The following LRRC20 variants were observed in gnomAD, a reference collection of about 807,000 sequenced individuals.
LRRC20 encodes leucine rich repeat containing 20.
A neutral mutation model predicts 14.4 loss-of-function variants in LRRC20; 11 were observed. The observed-to-expected ratio is 0.77, with a 90% CI of 0.48 to 1.27. The LOEUF is 1.27. Ranked by LOEUF, LRRC20 falls within the 50% of genes most tolerant of loss-of-function variation. LRRC20 has a pLI of 0.00. For synonymous variants in LRRC20, 121 were observed against 107.3 expected (o/e 1.13, Z -0.79); for missense variants, 219 against 251.2 (o/e 0.87, Z 0.87).
At chr10:70,325,988 T>C (rs1288729945) in intron 3 of LRRC20, among the ~76,000 whole-genome samples, 1 of 152,210 alleles carries the variant, frequency 6.6e-6, no homozygotes, top group Non-Finnish European at 1.5e-5. Flanking sequence ...GTAAAATTCA[T>C]GCTCAATTTT....
chr10:70,342,734 C>T (rs763733364), intron 2 of LRRC20, among the ~76,000 whole-genome samples: 15 of 152,332 alleles, frequency 9.8e-5, no homozygotes, highest in East Asian at 3.9e-4. Flanking sequence ...TCTTGCCACT[C>T]GATCTAAAGC....
chr10:70,309,601 T>C (rs1264067411), intron 4 of LRRC20, among the ~76,000 whole-genome samples: 2 of 152,240 alleles, frequency 1.3e-5, no homozygotes, highest in Non-Finnish European at 2.9e-5. Flanking sequence ...TGTCAAGATA[T>C]TCCCACTTGA....
At position 70,299,720 on chromosome 10, in the gene LRRC20, A is replaced by G. The variant is rs1172962370; in HGVS notation, c.*1634T>C. 1 of 153,058 alleles carries G rather than the reference A, an allele frequency of 6.5e-6. No homozygotes were observed. Among genetic ancestry groups the G allele is most frequent in the East Asian group, 1.9e-4 (1 of 5,226 alleles). The allele number at this position is 153,058 out of a possible 1,614,324, so 9.5% of individuals were successfully genotyped here. A position where few individuals can be genotyped will look rare whatever the true frequency, so the allele number is the denominator to read the frequency against. ...GGACTTCAGCCCCCACTTGCCCCCA[A>G]CACCCACAGATGAACTCGGTAGCTC... On this transcript the variant is annotated 3_prime_UTR_variant, in exon 5 of 5. Transcript: ENST00000446961.
At chr10:70,335,358 G>A (rs1224605932) in intron 3 of LRRC20, among the ~76,000 whole-genome samples, 2 of 152,160 alleles carry the variant, frequency 1.3e-5, no homozygotes, top group Non-Finnish European at 2.9e-5. Context: ...GCCCCAGGCT[G>A]GCCGACTGGA....
At chr10:70,311,041 G>A (rs1042489718) in intron 4 of LRRC20, among the ~76,000 whole-genome samples, 1 of 152,080 alleles carries the variant, frequency 6.6e-6, no homozygotes, top group African/African-American at 2.4e-5. Context: ...ACATACCTAC[G>A]TATTTCCAAA....
rs535395426 is a variant in LRRC20 at position 70,358,413 on chromosome 10, CA to C, written c.83-17712del. On this transcript the variant is annotated intron_variant, in intron 2 of 4. Coordinates refer to ENST00000446961, the MANE Select transcript of LRRC20 (RefSeq NM_001278212.2). ...CAGTTACCAACTGACCAGATTTCTA[CA>C]GCAACTTTCTCCTCCTCGGACAATC... Among the ~76,000 whole-genome samples, 316 of 152,336 alleles carry C rather than the reference CA, an allele frequency of 2.1e-3. 2 individuals carry two copies. Among genetic ancestry groups the C allele is most frequent in the African/African-American group, 7.0e-3 (290 of 41,572 alleles).
chr10:70,369,820 T>C (rs1278084946), intron 2 of LRRC20, among the ~76,000 whole-genome samples: 1 of 151,846 alleles, frequency 6.6e-6, no homozygotes, highest in Admixed American at 6.6e-5. Flanking sequence ...AAATAGAGAA[T>C]CTGAATCCCA....
chr10:70,382,042 C>T (rs923751103), intron 1 of LRRC20: 2 of 152,250 alleles, frequency 1.3e-5, no homozygotes, highest in Admixed American at 1.3e-4. Context: ...GAGAATAAAG[C>T]TGGCAGAGGG....
chr10:70,365,780 G>A (rs1255518528), intron 2 of LRRC20, among the ~76,000 whole-genome samples: 2 of 152,160 alleles, frequency 1.3e-5, no homozygotes, highest in African/African-American at 2.4e-5. Flanking sequence ...AATCAAAAAC[G>A]AATGGATAGG....
chr10:70,360,932 C>T (rs1437278698), intron 2 of LRRC20, among the ~76,000 whole-genome samples: 2 of 152,024 alleles, frequency 1.3e-5, no homozygotes, highest in African/African-American at 4.8e-5. Context: ...CCTATAGTCG[C>T]AGCTACTCTC....
intron 3 of LRRC20, among the ~76,000 whole-genome samples, chr10:70,326,995 A>G (rs940323898): frequency 1.3e-5 from 2 of 152,266 alleles, no homozygotes; most frequent in African/African-American, 4.8e-5. Flanking sequence ...GCTTTTATCA[A>G]ACCAACTCAG....
intron 1 of LRRC20, among the ~76,000 whole-genome samples, chr10:70,379,927 G>A (rs533941217): frequency 2.0e-5 from 3 of 152,252 alleles, no homozygotes; most frequent in Admixed American, 6.5e-5. Context: ...TAGATCCATC[G>A]CATTCGCAGT....
chr10:70,333,764 C>A (rs1446037812), intron 3 of LRRC20, among the ~76,000 whole-genome samples: 4 of 152,224 alleles, frequency 2.6e-5, no homozygotes, highest in African/African-American at 7.2e-5. Flanking sequence ...TGATCATCTG[C>A]AATTGGGGTC....
intron 3 of LRRC20, among the ~76,000 whole-genome samples, chr10:70,329,277 T>A (rs1320591105): frequency 2.0e-5 from 3 of 152,062 alleles, no homozygotes; most frequent in Non-Finnish European, 4.4e-5. Context: ...GAGGTCAGAG[T>A]GAAAAAAACC....
chr10:70,347,367 A>G (rs965279131), intron 2 of LRRC20, among the ~76,000 whole-genome samples: 1 of 152,142 alleles, frequency 6.6e-6, no homozygotes, highest in Non-Finnish European at 1.5e-5. Context: ...AAGAAGCCAT[A>G]AAGCCATGCA....
intron 3 of LRRC20, among the ~76,000 whole-genome samples, chr10:70,338,857 C>T (rs988111012): frequency 2.0e-5 from 3 of 152,148 alleles, no homozygotes; most frequent in Non-Finnish European, 4.4e-5. Context: ...GACAGAGTTT[C>T]GCCATGTTGG....
At chr10:70,329,542 T>G (rs116365210) in intron 3 of LRRC20, among the ~76,000 whole-genome samples, 1 of 151,864 alleles carries the variant, frequency 6.6e-6, no homozygotes, top group African/African-American at 2.4e-5. Flanking sequence ...ATGATATGAT[T>G]GTGTGATTCT....
At chr10:70,348,279 T>C (rs1265085350) in intron 2 of LRRC20, among the ~76,000 whole-genome samples, 1 of 152,048 alleles carries the variant, frequency 6.6e-6, no homozygotes, top group Non-Finnish European at 1.5e-5. Context: ...ACACAGCACA[T>C]GGACTCTCAC....
intron 3 of LRRC20, among the ~76,000 whole-genome samples, chr10:70,329,625 G>A (rs898958299): frequency 6.1e-5 from 9 of 147,616 alleles, no homozygotes; most frequent in Admixed American, 1.4e-4. Context: ...GCAGTGGCAC[G>A]ATCTCGGCTC....
Sources: gnomAD v4.1 joint callset for allele counts (sites outside exome capture counted in the v4.1 genomes callset) on GRCh38, gnomAD v4.1.1 for gene constraint, MANE v1.5 for transcripts, NCBI Gene and HGNC (gene_info 2026-07-23, HGNC 2026-07-21) for gene names.